Variants in SNRNP200 observed in about 807,000 individuals in gnomAD.
SNRNP200 encodes U5 small nuclear ribonucleoprotein 200 kDa helicase.
In SNRNP200, 66 loss-of-function variants were observed where a neutral mutation model predicts 255.2. The observed-to-expected ratio is 0.26, with a 90% CI of 0.21 to 0.32. The LOEUF is 0.32. Among genes scored for constraint, SNRNP200 ranks in the 10% least tolerant of loss-of-function variants. The pLI, the probability that SNRNP200 is intolerant of heterozygous loss-of-function variation, is 1.00. For synonymous variants in SNRNP200, 939 were observed against 1,027.8 expected (o/e 0.91, Z 1.65); for missense variants, 1,585 against 2,749.8 (o/e 0.58, Z 9.47).
rs754113881 is a variant in SNRNP200 at position 96,274,725 on chromosome 2, G to C, written c.*287C>G. 21 of 468,874 alleles carry C rather than the reference G, an allele frequency of 4.5e-5. No homozygotes were observed. Among genetic ancestry groups the C allele is most frequent in the Non-Finnish European group, 8.2e-5 (21 of 255,240 alleles). The allele number at this position is 468,874 out of a possible 1,614,324, so 29.0% of individuals were successfully genotyped here. A position where few individuals can be genotyped will look rare whatever the true frequency, so the allele number is the denominator to read the frequency against. On this transcript the variant is annotated 3_prime_UTR_variant, in exon 45 of 45. Transcript: ENST00000323853. ...ACTTTTAATTTGGAATCACTACAAA[G>C]ACAAATGGTTTCTACAAATTATTTT...
intron 34 of SNRNP200, chr2:96,282,154 C>A (rs2063803780): frequency 2.0e-6 from 1 of 511,856 alleles, no homozygotes; most frequent in South Asian, 2.0e-5. Flanking sequence ...CATCATAGAA[C>A]AGAACCCAAA....
chr2:96,297,339 A>T (rs777149957), intron 11 of SNRNP200, 24 bp downstream of exon 11: 26 of 1,612,340 alleles, frequency 1.6e-5, no homozygotes, highest in Non-Finnish European at 2.2e-5. Context: ...CTGAGCAGAG[A>T]ACTGAAGAAA....
intron 13 of SNRNP200, among the ~76,000 whole-genome samples, chr2:96,295,914 CGCAG>C (rs2063914146): frequency 6.6e-6 from 1 of 152,086 alleles, no homozygotes; most frequent in Admixed American, 6.6e-5. Context: ...CAGAGGCCAA[CGCAG>C]GCAGAATGCT....
intron 14 of SNRNP200, 100 bp downstream of exon 14, chr2:96,295,388 T>C (rs2063910478): frequency 1.3e-6 from 2 of 1,502,810 alleles, no homozygotes; most frequent in African/African-American, 2.8e-5. Context: ...CAAAGGCTAG[T>C]GCCTACAGAA....
chr2:96,286,908 T>C lies in SNRNP200; in HGVS notation c.3640-31A>G. 2 of 1,614,138 alleles carry C rather than the reference T, an allele frequency of 1.2e-6. No individual in the cohort carries two copies. The highest frequency in any genetic ancestry group is 1.1e-5 in the South Asian group (1 of 91,074). On this transcript the variant is annotated intron_variant, in intron 27 of 44. Transcript: ENST00000323853. This position sits in a 1 kb window ranked among gnomAD's most constrained non-coding sequence, Gnocchi z 4.8. ...AACAGGAGCAAGGGTAAAAGGAATG[T>C]GAGTCAACGTAGACTGAGTGCCTCC...
rs775043214 is a variant in SNRNP200, at chr2:96,278,215, T to TC, written c.5610+21dup. On this transcript the variant is annotated intron_variant, in intron 39 of 44. Transcript: ENST00000323853. The surrounding 1 kb of genome is among the most constrained non-coding windows in gnomAD (Gnocchi z 6.9). The stretch of plus-strand genomic sequence containing the variant: ...CGAGTTTGTTGTTCCCAGGATGCTC[T>TC]CCTGAAGTCTGCTGTCCTCACCTGC... 1.9e-6 allele frequency: 3 copies of TC among 1,614,126 alleles called. No homozygotes were observed. The South Asian group carries it at 3.3e-5, about 18-fold the overall frequency.
At position 96,283,215 on chromosome 2, in the gene SNRNP200, T is replaced by A; in HGVS notation, c.4901A>T (p.Gln1634Leu). ...GCCTGACTTACCTGAGCTGAAGAGC[T>A]GCTCCACCAGGCGTCGCTCCATGGG... ...LSPMERRLVE[Q>L]LFSSGAIQVV... is the part of the protein sequence containing the mutation. Residue 1634 changes from glutamine to leucine, a missense_variant, in exon 34 of 45, where the codon CAG becomes CTG. Gln to Leu is a moderately radical substitution (Grantham distance 113, BLOSUM62 -2). This residue lies in a region of SNRNP200 where 719 missense variants were observed against 1,091.1 expected (regional missense o/e 0.66). Coordinates refer to ENST00000323853, the MANE Select transcript of SNRNP200 (RefSeq NM_014014.5). This position sits in a 1 kb window ranked among gnomAD's most constrained non-coding sequence, Gnocchi z 4.7. 6.2e-7 allele frequency: 1 copy of A among 1,614,210 alleles called. No individual in the cohort carries two copies. Among genetic ancestry groups the A allele is most frequent in the Non-Finnish European group, 8.5e-7 (1 of 1,180,046 alleles).
Position 96,298,799 on chromosome 2 carries a change from G to A in SNRNP200, c.882+16C>T, listed in dbSNP as rs2063935515. On this transcript the variant is annotated intron_variant, in intron 7 of 44. Coordinates refer to ENST00000323853, the MANE Select transcript of SNRNP200 (RefSeq NM_014014.5). ...AAGATACACTAAATATACAACTATT[G>A]TCATCTTGGCCATACCTTCAAAATC... The A allele has an allele frequency of 1.2e-6, 2 of 1,613,998 alleles. No individual in the cohort carries two copies. The highest frequency in any genetic ancestry group is 1.3e-5 in the African/African-American group (1 of 74,898).
rs528437517 is a variant in SNRNP200 at position 96,288,608 on chromosome 2, A to T, written c.3258+55T>A. ...TTTCCCCAGGATGCACACAGCACAC[A>T]GGGATTGAACTGTTCAGGCCCCTTC... On this transcript the variant is annotated intron_variant, in intron 24 of 44. Coordinates refer to ENST00000323853, the MANE Select transcript of SNRNP200 (RefSeq NM_014014.5). 4 of 1,448,902 alleles carry T rather than the reference A, an allele frequency of 2.8e-6. No individual in the cohort carries two copies. In the African/African-American group the frequency reaches 5.6e-5, roughly 20 times the overall value. The allele number at this position is 1,448,902 out of a possible 1,614,324, so 89.8% of individuals were successfully genotyped here.
In SNRNP200 at chr2:96,292,888, A is replaced by T. The variant is rs1040178567; in HGVS notation, c.2160+84T>A. ...TTTATGTTGTGTCTTCTCTCTTTTA[A>T]TTTCTGTCAATCTTCCCCAATTATT... On this transcript the variant is annotated intron_variant, in intron 16 of 44. Coordinates refer to ENST00000323853, the MANE Select transcript of SNRNP200 (RefSeq NM_014014.5). 20 of 1,508,460 alleles carry T rather than the reference A, an allele frequency of 1.3e-5. No individual in the cohort carries two copies. In the South Asian group the frequency reaches 2.2e-4, roughly 16 times the overall value. The allele number at this position is 1,508,460 out of a possible 1,614,324, so 93.4% of individuals were successfully genotyped here. A position where few individuals can be genotyped will look rare whatever the true frequency, so the allele number is the denominator to read the frequency against.
intron 4 of SNRNP200, 46 bp downstream of exon 4, chr2:96,301,478 C>CA (rs2063951833): frequency 3.8e-6 from 6 of 1,585,558 alleles, no homozygotes; most frequent in Non-Finnish European, 4.3e-6. Flanking sequence ...GTTTAGGGGT[C>CA]AACAACAACC....
At chr2:96,285,924 G>A (rs968382029) in intron 29 of SNRNP200, among the ~76,000 whole-genome samples, 1 of 152,204 alleles carries the variant, frequency 6.6e-6, no homozygotes, top group African/African-American at 2.4e-5. Context: ...CACCGGTGAT[G>A]TACTCAGCCA....
chr2:96,301,247 T>C (rs931448943), intron 4 of SNRNP200, among the ~76,000 whole-genome samples, 194 bp from the exon 5 acceptor site: 1 of 152,192 alleles, frequency 6.6e-6, no homozygotes, highest in Non-Finnish European at 1.5e-5. Context: ...CCTGCCAGCC[T>C]TGGAGTCAGC....
intron 29 of SNRNP200, among the ~76,000 whole-genome samples, chr2:96,285,869 AAT>A (rs1438270707): frequency 6.6e-6 from 1 of 152,190 alleles, no homozygotes; most frequent in African/African-American, 2.4e-5. Flanking sequence ...CAGTATCTCC[AAT>A]AGAGATTCCT....
Position 96,283,437 on chromosome 2 carries a change from C to A in SNRNP200, c.4764-85G>T. On this transcript the variant is annotated intron_variant, in intron 33 of 44. Coordinates refer to ENST00000323853, the MANE Select transcript of SNRNP200 (RefSeq NM_014014.5). This position sits in a 1 kb window ranked among gnomAD's most constrained non-coding sequence, Gnocchi z 4.7. ...CAGCTGTGCAGAACCTGGCCCCAAG[C>A]AACATGGGCTAACCCCACCCTCATA... 6 of 1,612,888 alleles carry A rather than the reference C, an allele frequency of 3.7e-6. No homozygotes were observed. Among genetic ancestry groups the A allele is most frequent in the Non-Finnish European group, 5.1e-6 (6 of 1,179,270 alleles).
intron 16 of SNRNP200, among the ~76,000 whole-genome samples, chr2:96,292,753 T>C (rs969710457): frequency 1.3e-5 from 2 of 152,228 alleles, no homozygotes; most frequent in Admixed American, 6.5e-5. Flanking sequence ...GTCCATTTCT[T>C]CTGAATTTTT....
At chr2:96,281,464 C>T (rs529008835) in intron 35 of SNRNP200, 12 of 341,014 alleles carry the variant, frequency 3.5e-5, no homozygotes, top group African/African-American at 1.1e-4. Flanking sequence ...CCACTGCGCT[C>T]GGCACTCCTC....
At chr2:96,293,927 A>G (rs1057251684) in intron 14 of SNRNP200, among the ~76,000 whole-genome samples, 2 of 152,148 alleles carry the variant, frequency 1.3e-5, no homozygotes, top group African/African-American at 4.8e-5. Context: ...CTCAAATTTT[A>G]TTAAGTATCC....
chr2:96,296,429 G>T, intron 13 of SNRNP200, 107 bp downstream of exon 13: 2 of 1,091,820 alleles, frequency 1.8e-6, no homozygotes, highest in African/African-American at 1.6e-5. Flanking sequence ...AATCCCAGGA[G>T]GCATGCCAGA....
Sources: gnomAD v4.1 joint callset for allele counts (sites outside exome capture counted in the v4.1 genomes callset) on GRCh38, gnomAD v4.1.1 for gene constraint, gnomAD v4.1.1 regional missense constraint, Gnocchi (gnomAD v3.1) non-coding constraint, MANE v1.5 for transcripts, NCBI Gene and HGNC (gene_info 2026-07-23, HGNC 2026-07-21) for gene names.